The following MSRA variants were observed in gnomAD, a reference collection of about 807,000 sequenced individuals.
MSRA encodes mitochondrial peptide methionine sulfoxide reductase.
In MSRA, 54 loss-of-function variants were observed where a neutral mutation model predicts 31.3. That is an observed-to-expected ratio of 1.73 (90% CI 1.39 to 2.17). The LOEUF (loss-of-function observed/expected upper bound fraction) is 2.17. MSRA is among the 30% of genes most tolerant of loss of function. MSRA has a pLI of 0.00. For missense variants in MSRA, 507 were observed against 300.9 expected (o/e 1.69, Z -5.07); for synonymous variants, 169 against 116.5 (o/e 1.45, Z -2.90).
chr8:10,116,286 C>A (rs766880058), intron 1 of MSRA, among the ~76,000 whole-genome samples: 2 of 152,170 alleles, frequency 1.3e-5, no homozygotes, highest in Non-Finnish European at 2.9e-5. Context: ...CATTAGCTAT[C>A]GTTAGTGTAT....
intron 2 of MSRA, among the ~76,000 whole-genome samples, chr8:10,238,031 A>T (rs1476774255): frequency 6.6e-6 from 1 of 152,146 alleles, no homozygotes; most frequent in Non-Finnish European, 1.5e-5. Context: ...CTCAGAGTAA[A>T]ATCCGTAGTC....
chr8:10,129,965 A>T (rs1801780792), intron 1 of MSRA, among the ~76,000 whole-genome samples: 1 of 152,196 alleles, frequency 6.6e-6, no homozygotes, highest in Non-Finnish European at 1.5e-5. Context: ...CTTGGATATT[A>T]AAGTGTGAGT....
chr8:10,197,058 T>C (rs1436684110), intron 1 of MSRA, among the ~76,000 whole-genome samples: 2 of 152,222 alleles, frequency 1.3e-5, no homozygotes, highest in East Asian at 3.8e-4. Flanking sequence ...TTCAACGTTG[T>C]TATTCACAAG....
intron 2 of MSRA, among the ~76,000 whole-genome samples, chr8:10,240,437 C>A (rs1585248700): frequency 1.3e-5 from 2 of 152,206 alleles, no homozygotes; most frequent in African/African-American, 4.8e-5. Context: ...CACTGGCTGG[C>A]ATCCCCTGGC....
At chr8:10,306,112 T>C (rs538191126) in intron 4 of MSRA, among the ~76,000 whole-genome samples, 1 of 152,204 alleles carries the variant, frequency 6.6e-6, no homozygotes, top group East Asian at 1.9e-4. Context: ...ACTCCCACTG[T>C]CTCCAGGCAA....
At chr8:10,409,679 C>A (rs889200199) in intron 5 of MSRA, among the ~76,000 whole-genome samples, 2 of 152,236 alleles carry the variant, frequency 1.3e-5, no homozygotes, top group Admixed American at 6.5e-5. Flanking sequence ...CTAGGCCCTC[C>A]TCGCCCCACC....
chr8:10,165,006 C>T (rs1424470093), intron 1 of MSRA, among the ~76,000 whole-genome samples: 3 of 152,020 alleles, frequency 2.0e-5, no homozygotes, highest in African/African-American at 7.3e-5. Flanking sequence ...CCACCCTGGG[C>T]GACAGAGTGA....
intron 1 of MSRA, among the ~76,000 whole-genome samples, chr8:10,100,568 G>A (rs1269005500): frequency 6.6e-6 from 1 of 152,108 alleles, no homozygotes; most frequent in Non-Finnish European, 1.5e-5. Flanking sequence ...AGAACATGGT[G>A]AAACAGGGGA....
intron 5 of MSRA, among the ~76,000 whole-genome samples, chr8:10,401,564 A>G (rs1162859557): frequency 6.6e-6 from 1 of 152,186 alleles, no homozygotes; most frequent in African/African-American, 2.4e-5. Flanking sequence ...ACGCCTATGT[A>G]TATATCCAGC....
intron 3 of MSRA, among the ~76,000 whole-genome samples, chr8:10,265,971 TGGATGAA>T (rs1165823061): frequency 5.3e-5 from 8 of 152,258 alleles, no homozygotes; most frequent in African/African-American, 1.2e-4. Flanking sequence ...TTCTCTTGTA[TGGATGAA>T]GCATCCTTTT....
chr8:10,219,584 T>C (rs1273239848), intron 2 of MSRA, among the ~76,000 whole-genome samples: 3 of 151,826 alleles, frequency 2.0e-5, no homozygotes, highest in Non-Finnish European at 4.4e-5. Flanking sequence ...CTGAGGTGGG[T>C]GGATCACAAG....
At chr8:10,228,584 C>T (rs1465397657) in intron 2 of MSRA, among the ~76,000 whole-genome samples, 2 of 152,232 alleles carry the variant, frequency 1.3e-5, no homozygotes, top group East Asian at 1.9e-4. Flanking sequence ...TGCTTGCAGG[C>T]ATCCGTAGTG....
chr8:10,272,661 C>G (rs1283724742), intron 3 of MSRA, among the ~76,000 whole-genome samples: 1 of 152,238 alleles, frequency 6.6e-6, no homozygotes, highest in East Asian at 1.9e-4. Context: ...TTAACCCTCA[C>G]TCTTACTCGC....
chr8:10,101,688 T>C (rs969428044), intron 1 of MSRA, among the ~76,000 whole-genome samples: 2 of 152,234 alleles, frequency 1.3e-5, no homozygotes, highest in Non-Finnish European at 2.9e-5. Flanking sequence ...GTCCTCAGGA[T>C]TCATACATGT....
intron 5 of MSRA, among the ~76,000 whole-genome samples, chr8:10,346,747 A>G (rs751142948): frequency 6.6e-6 from 1 of 152,188 alleles, no homozygotes; most frequent in Non-Finnish European, 1.5e-5. Context: ...TTAGTCCTAG[A>G]ATTTCAAGCC....
At chr8:10,373,869 G>A (rs910440647) in intron 5 of MSRA, among the ~76,000 whole-genome samples, 1 of 152,212 alleles carries the variant, frequency 6.6e-6, no homozygotes, top group Non-Finnish European at 1.5e-5. Context: ...GGTGAGAAGT[G>A]CGGTGTCTGT....
rs759130357 is a variant in MSRA, at chr8:10,245,144, C to T, written c.252C>T (p.Val84=). Residue 84 remains valine (V), a synonymous_variant, in exon 3 of 6, where the codon GTC becomes GTT. Coordinates refer to ENST00000317173, the MANE Select transcript of MSRA (RefSeq NM_012331.5). ...CFWGAERKFW[V]LKGVYSTQVG... ...GGGGAGCTGAAAGGAAATTCTGGGT[C>T]TTGAAAGGAGTGTATTCAACTCAAG... 1.6e-5 allele frequency: 26 copies of T among 1,612,542 alleles called. No homozygotes were observed. In the Admixed American group the frequency reaches 4.2e-4, roughly 26 times the overall value.
chr8:10,402,741 C>G (rs925807809), intron 5 of MSRA, among the ~76,000 whole-genome samples: 1 of 152,314 alleles, frequency 6.6e-6, no homozygotes, highest in South Asian at 2.1e-4. Flanking sequence ...AAGCTCTTCT[C>G]AAAAGTATAG....
At chr8:10,069,469 G>A (rs1212183774) in intron 1 of MSRA, among the ~76,000 whole-genome samples, 1 of 152,204 alleles carries the variant, frequency 6.6e-6, no homozygotes, top group African/African-American at 2.4e-5. Context: ...AATTTATAAA[G>A]AAACGTATTT....
Sources: gnomAD v4.1 joint callset for allele counts (sites outside exome capture counted in the v4.1 genomes callset) on GRCh38, gnomAD v4.1.1 for gene constraint, MANE v1.5 for transcripts, NCBI Gene and HGNC (gene_info 2026-07-23, HGNC 2026-07-21) for gene names.